Variants in TRPM3 observed in about 807,000 individuals in gnomAD.
TRPM3 encodes long transient receptor potential channel 3.
TRPM3 carries 77 observed loss-of-function variants against 181.2 expected under a neutral mutation model. The observed-to-expected ratio is 0.42, with a 90% CI of 0.35 to 0.51. The LOEUF (loss-of-function observed/expected upper bound fraction) is 0.51, where lower values mean the gene tolerates loss of function less well. Ranked by LOEUF, TRPM3 falls within the 20% of genes least tolerant of loss-of-function variation. The probability of loss-of-function intolerance (pLI) is 0.01; values close to 1 mark genes in which losing one functional copy is unlikely to be tolerated. For missense variants in TRPM3, 1,759 were observed against 2,196.7 expected, an observed-to-expected ratio of 0.80 and a Z score of 3.98; for synonymous variants, 745 against 796.4, an observed-to-expected ratio of 0.94 and a Z score of 1.09.
At chr9:70,826,140 G>C (rs2093543211) in intron 6 of TRPM3, 1 of 152,172 alleles carries the variant, frequency 6.6e-6, no homozygotes, top group African/African-American at 2.4e-5. Context: ...TCCTATTTAA[G>C]CTCTCGTTCT....
intron 1 of TRPM3, among the ~76,000 whole-genome samples, chr9:70,970,690 G>A (rs1564872403): frequency 1.3e-5 from 2 of 152,230 alleles, no homozygotes; most frequent in East Asian, 3.9e-4. Flanking sequence ...ATGAAAGCTG[G>A]TGATGAGGCC....
intron 9 of TRPM3, among the ~76,000 whole-genome samples, chr9:70,644,385 A>C (rs1335431024): frequency 6.6e-6 from 1 of 152,148 alleles, no homozygotes; most frequent in Non-Finnish European, 1.5e-5. Context: ...TGGCTGGAGC[A>C]ATCTGCTGGC....
At chr9:71,041,556 T>A (rs968071290) in intron 1 of TRPM3, among the ~76,000 whole-genome samples, 1 of 152,108 alleles carries the variant, frequency 6.6e-6, no homozygotes, top group Admixed American at 6.6e-5. Context: ...TTCTTGGCAA[T>A]GTCCAAATCG....
intron 1 of TRPM3, among the ~76,000 whole-genome samples, chr9:70,966,378 A>G (rs2097185772): frequency 6.6e-6 from 1 of 152,074 alleles, no homozygotes; most frequent in African/African-American, 2.4e-5. Flanking sequence ...TTTGACCAGC[A>G]TTCCATTACT....
intron 1 of TRPM3, among the ~76,000 whole-genome samples, chr9:71,006,182 G>T (rs140638050): frequency 2.4e-3 from 365 of 152,130 alleles, no homozygotes; most frequent in Non-Finnish European, 4.0e-3. Context: ...GCAAAAATCT[G>T]CAATTGATAC....
In TRPM3 at chr9:71,382,785, G is replaced by T. The variant is rs183192853; in HGVS notation, c.183+63868C>A. Among the ~76,000 whole-genome samples, 8 of 151,416 alleles carry T rather than the reference G, an allele frequency of 5.3e-5. No individual in the cohort carries two copies. The East Asian group carries it at 1.4e-3, about 26-fold the overall frequency. ...CTCAAATAAATGATTAGCTCTTGAA[G>T]GCCAGAACAATGTCTTACATTTCCT... On this transcript the variant is annotated intron_variant, in intron 1 of 24. Transcript: ENST00000357533.
intron 1 of TRPM3, among the ~76,000 whole-genome samples, chr9:70,908,199 C>T (rs922712067): frequency 1.4e-4 from 22 of 152,270 alleles, no homozygotes; most frequent in African/African-American, 5.1e-4. Context: ...AGCAGAGGCT[C>T]CCAGGAACCT....
chr9:71,282,916 T>C (rs79148774), intron 1 of TRPM3, among the ~76,000 whole-genome samples: 2,341 of 152,214 alleles, frequency 0.015, 63 homozygotes, highest in African/African-American at 0.054. Context: ...GGGGCACCGC[T>C]GGACGACCAT....
chr9:71,151,755 G>A (rs2075745310), intron 1 of TRPM3, among the ~76,000 whole-genome samples: 1 of 151,904 alleles, frequency 6.6e-6, no homozygotes, highest in Admixed American at 6.6e-5. Context: ...TCCAAATAAA[G>A]GGCTCTTAAG....
chr9:71,099,121 C>A (rs562600492), intron 1 of TRPM3, among the ~76,000 whole-genome samples: 4 of 152,146 alleles, frequency 2.6e-5, no homozygotes, highest in Admixed American at 6.6e-5. Flanking sequence ...TTATTTCTCA[C>A]GTTTCTGAAG....
At chr9:70,645,348 T>A (rs1027110088) in intron 9 of TRPM3, among the ~76,000 whole-genome samples, 1 of 151,454 alleles carries the variant, frequency 6.6e-6, no homozygotes, top group Non-Finnish European at 1.5e-5. Context: ...ATGGCACTGG[T>A]ACCAAAACAG....
At position 70,616,036 on chromosome 9, in the gene TRPM3, A is replaced by G; in HGVS notation, c.2398T>C (p.Leu800=). 2.5e-6 allele frequency: 4 copies of G among 1,610,224 alleles called. No individual in the cohort carries two copies. Among genetic ancestry groups the G allele is most frequent in the Non-Finnish European group, 3.4e-6 (4 of 1,178,518 alleles). The change falls in exon 18 of 26, where the codon TTG becomes CTG. Residue 800 remains leucine, a synonymous_variant. Transcript: ENST00000677713. ...GILLPPSILS[L]EFKNKDDMPY... ...ATGTCGTCTTTGTTCTTGAACTCCA[A>G]GCTGAGAATTGAAGGAGGAAGTAGA...
At chr9:70,827,670 T>C in intron 6 of TRPM3, 177 bp downstream of exon 6, 1 of 674,676 alleles carries the variant, frequency 1.5e-6, no homozygotes, top group Non-Finnish European at 2.4e-6. Context: ...TTCTTACGCC[T>C]CCAATTGTTC....
chr9:71,379,504 G>A (rs758705020), intron 1 of TRPM3, among the ~76,000 whole-genome samples: 18 of 152,088 alleles, frequency 1.2e-4, no homozygotes, highest in East Asian at 1.9e-4. Flanking sequence ...TGGTGTTACC[G>A]TCAGAGCAGT....
At chr9:71,276,470 C>T (rs777237282) in intron 1 of TRPM3, among the ~76,000 whole-genome samples, 1 of 151,828 alleles carries the variant, frequency 6.6e-6, no homozygotes, top group Non-Finnish European at 1.5e-5. Flanking sequence ...AAAAAAACTC[C>T]AAGAATCAGC....
At chr9:71,137,636 T>C (rs938080861) in intron 1 of TRPM3, among the ~76,000 whole-genome samples, 1 of 152,208 alleles carries the variant, frequency 6.6e-6, no homozygotes, top group Non-Finnish European at 1.5e-5. Context: ...GAAAAGCACA[T>C]GACTTTGAAC....
rs78195151 is a variant in TRPM3 at position 71,024,255 on chromosome 9, G to A, written c.177+96923C>T. 4.9e-3 allele frequency among the ~76,000 whole-genome samples: 751 copies of A among 152,254 alleles called. 18 individuals carry two copies. The East Asian group carries it at 0.077, about 16-fold the overall frequency. On this transcript the variant is annotated intron_variant, in intron 1 of 25. Transcript: ENST00000677713. ...AAGATGTGTGTGCATATATACATGT[G>A]TATGTATATACACCTAGGCATACCC...
At chr9:71,294,622 A>T (rs2086103798) in intron 1 of TRPM3, among the ~76,000 whole-genome samples, 1 of 152,136 alleles carries the variant, frequency 6.6e-6, no homozygotes, top group Non-Finnish European at 1.5e-5. Context: ...TAAACCTATG[A>T]CTAATTCTAA....
intron 1 of TRPM3, among the ~76,000 whole-genome samples, chr9:71,375,474 C>A (rs930315968): frequency 3.9e-5 from 6 of 152,140 alleles, no homozygotes; most frequent in African/African-American, 1.2e-4. Context: ...GCAAAGATTT[C>A]ATGATGAAAA....
Sources: gnomAD v4.1 joint callset for allele counts (sites outside exome capture counted in the v4.1 genomes callset) on GRCh38, gnomAD v4.1.1 for gene constraint, MANE v1.5 for transcripts, NCBI Gene and HGNC (gene_info 2026-07-23, HGNC 2026-07-21) for gene names.